PPEF2: variants seen among roughly 807,000 people sequenced by gnomAD.
PPEF2 encodes protein phosphatase with EF-hand domain 2, also known as serine/threonine-protein phosphatase with EF-hands 2.
Under a neutral mutation model 84.7 loss-of-function variants are expected in PPEF2, and 84 were observed. The ratio of observed to expected loss-of-function variants is 0.99; its 90% CI spans 0.83 to 1.19. PPEF2 has a LOEUF of 1.19. Ranked by LOEUF, PPEF2 falls within the 50% of genes most tolerant of loss-of-function variation. PPEF2 has a pLI of 0.00. For synonymous variants in PPEF2, 346 were observed against 345.2 expected (o/e 1.00, Z -0.03); for missense variants, 924 against 937.5 (o/e 0.99, Z 0.19).
chr4:75,859,990 TTACAA>T lies in PPEF2; in HGVS notation c.*672_*676del, dbSNP rs1723951934. 5.9e-5 allele frequency: 9 copies of T among 152,302 alleles called. No homozygotes were observed. Among genetic ancestry groups the T allele is most frequent in the Admixed American group, 5.9e-4 (9 of 15,298 alleles). The allele number at this position is 152,302 out of a possible 1,614,324, so 9.4% of individuals were successfully genotyped here. A position where few individuals can be genotyped will look rare whatever the true frequency, so the allele number is the denominator to read the frequency against. On this transcript the variant is annotated 3_prime_UTR_variant, in exon 17 of 17. Transcript: ENST00000286719. The stretch of plus-strand genomic sequence containing the variant: ...AAATCCATATGCTTGGGTCATGGAA[TTACAA>T]TACAATTTTTAAAAATAACTTTCCT...
chr4:75,865,505 G>A (rs1724105391), intron 15 of PPEF2, among the ~76,000 whole-genome samples: 1 of 151,742 alleles, frequency 6.6e-6, no homozygotes, highest in Non-Finnish European at 1.5e-5. Flanking sequence ...CTCCCACCTC[G>A]CCTCCCAATA....
chr4:75,883,489 G>T, intron 8 of PPEF2: 1 of 383,336 alleles, frequency 2.6e-6, no homozygotes, highest in East Asian at 4.6e-5. Flanking sequence ...CAAATTCAAT[G>T]GTTTCATTGG....
chr4:75,893,953 G>A (rs1258095470), intron 2 of PPEF2, among the ~76,000 whole-genome samples: 1 of 152,124 alleles, frequency 6.6e-6, no homozygotes, highest in Non-Finnish European at 1.5e-5. Context: ...GGAAGTGCAG[G>A]ATCTTTTAAT....
rs1260280281 is a variant in PPEF2 at position 75,891,973 on chromosome 4, T to G, written c.61A>C (p.Lys21Gln). ...CATCTCTGGATCAGGGCTGCTGCCT[T>G]GAAGGCTATGACACCGATGGAGAAG... is the stretch of plus-strand genomic sequence containing the variant. ...FAFQNAERAF[K>Q]AAALIQRWYR... Residue 21 changes from lysine (K) to glutamine (Q), a missense_variant, in exon 3 of 17, where the codon AAG becomes CAG. Physicochemically the swap from Lys to Gln is moderately conservative, Grantham distance 53. Coordinates refer to ENST00000286719, the MANE Select transcript of PPEF2 (RefSeq NM_006239.3). 1.2e-6 allele frequency: 2 copies of G among 1,613,158 alleles called. No homozygotes were observed. Among genetic ancestry groups the G allele is most frequent in the African/African-American group, 1.3e-5 (1 of 75,030 alleles).
chr4:75,889,887 T>C, intron 5 of PPEF2, 70 bp downstream of exon 5: 1 of 1,527,938 alleles, frequency 6.5e-7, no homozygotes, highest in South Asian at 1.1e-5. Flanking sequence ...ATTCTTTCTG[T>C]GCTGGGTTTC....
chr4:75,893,487 G>GACACACACACAC (rs10624574), intron 2 of PPEF2, among the ~76,000 whole-genome samples: 19 of 148,934 alleles, frequency 1.3e-4, no homozygotes, highest in African/African-American at 4.3e-4. Context: ...TAGAGACTCT[G>GACACACACACAC]ACACACACAC....
At chr4:75,868,567 G>A (rs1724191171) in intron 13 of PPEF2, among the ~76,000 whole-genome samples, 1 of 151,008 alleles carries the variant, frequency 6.6e-6, no homozygotes, top group Non-Finnish European at 1.5e-5. Flanking sequence ...ATGGTGGCAC[G>A]TGCCTATGGT....
chr4:75,875,093 A>T (rs1724375886), intron 11 of PPEF2, among the ~76,000 whole-genome samples: 1 of 151,294 alleles, frequency 6.6e-6, no homozygotes, highest in Middle Eastern at 3.2e-3. Flanking sequence ...TTTAGTAGAG[A>T]CGGGGTTTCA....
intron 15 of PPEF2, 78 bp from the exon 16 acceptor site, chr4:75,864,605 C>T (rs1463117054): frequency 3.6e-6 from 4 of 1,112,710 alleles, no homozygotes; most frequent in Non-Finnish European, 5.4e-6. Flanking sequence ...ACAATCAACC[C>T]TGACAATCAC....
At chr4:75,893,674 A>G (rs897272528) in intron 2 of PPEF2, among the ~76,000 whole-genome samples, 5 of 152,238 alleles carry the variant, frequency 3.3e-5, no homozygotes, top group Non-Finnish European at 5.9e-5. Flanking sequence ...AACAAGCTCC[A>G]TACATAATTC....
chr4:75,883,800 C>G (rs1159316240), intron 8 of PPEF2, among the ~76,000 whole-genome samples: 3 of 126,790 alleles, frequency 2.4e-5, no homozygotes, highest in African/African-American at 1.0e-4. Context: ...CCTGGGTGAC[C>G]AAGCGAGACT....
At position 75,860,436 on chromosome 4, in the gene PPEF2, G is replaced by A. The variant is rs1020870482; in HGVS notation, c.*231C>T. ...TAGAATTTGAAAACACTATACCTAAGTTCTACTTTGTGAAGATTGTGAGGT... is the reference window on the plus strand; with the variant it reads ...TAGAATTTGAAAACACTATACCTAAATTCTACTTTGTGAAGATTGTGAGGT... On this transcript the variant is annotated 3_prime_UTR_variant, in exon 17 of 17. Coordinates refer to ENST00000286719, the MANE Select transcript of PPEF2 (RefSeq NM_006239.3). 1 of 565,752 alleles carries A rather than the reference G, an allele frequency of 1.8e-6. No homozygotes were observed. The highest frequency in any genetic ancestry group is 3.1e-6 in the Non-Finnish European group (1 of 321,354). 35.0% of individuals were successfully genotyped at this position (565,752 alleles called of 1,614,324 possible). A position where few individuals can be genotyped will look rare whatever the true frequency, so the allele number is the denominator to read the frequency against.
At chr4:75,864,984 T>C (rs779455253) in intron 15 of PPEF2, among the ~76,000 whole-genome samples, 5 of 152,234 alleles carry the variant, frequency 3.3e-5, no homozygotes, top group Admixed American at 6.5e-5. Flanking sequence ...TTGTCCAGGC[T>C]GGAGTGCAAT....
rs756192218 is a variant in PPEF2, at chr4:75,888,224, G to A, written c.522C>T (p.Ile174=). The A allele has an allele frequency of 2.5e-5, 40 of 1,609,136 alleles. No individual in the cohort carries two copies. Among genetic ancestry groups the A allele is most frequent in the Non-Finnish European group, 3.1e-5 (37 of 1,175,636 alleles). ...NRVSTCYSEE[I]TVCGDLHGQL... is the part of the protein sequence containing the mutation. The stretch of plus-strand genomic sequence containing the variant: ...CTGACCAGCTCTTACCACACACTGT[G>A]ATCTCCTCACTGTAACAGGTTGAGA... The change falls in exon 6 of 17, where the codon ATC becomes ATT. Residue 174 remains isoleucine, a synonymous_variant. Transcript: ENST00000286719.
At chr4:75,887,943 G>A (rs561044196) in intron 6 of PPEF2, among the ~76,000 whole-genome samples, 1 of 152,268 alleles carries the variant, frequency 6.6e-6, no homozygotes, top group African/African-American at 2.4e-5. Flanking sequence ...CAGAGATTTT[G>A]TTTTGAATGA....
intron 6 of PPEF2, 100 bp downstream of exon 6, chr4:75,888,114 T>C: frequency 1.1e-6 from 1 of 914,202 alleles, no homozygotes; most frequent in South Asian, 1.4e-5. Context: ...TGGCTTATCA[T>C]CACATCTCCC....
intron 13 of PPEF2, among the ~76,000 whole-genome samples, chr4:75,869,787 C>T (rs1327671219): frequency 6.6e-5 from 10 of 151,930 alleles, no homozygotes; most frequent in Non-Finnish European, 1.0e-4. Flanking sequence ...GTCGAGGCTG[C>T]AGTGATCTGT....
chr4:75,883,067 C>A lies in PPEF2; in HGVS notation c.792G>T (p.Gly264=). The change falls in exon 10 of 17, where the codon GGG becomes GGT. Residue 264 remains glycine, a synonymous_variant. Transcript: ENST00000286719. ...KEVMNKYKVH[G]KEILRTLQDV... Reference sequence around the variant, plus strand: ...CTTGCAGGGTTCTTAGTATTTCCTTCCCGTGTACCTGGAAAAAATGATATA... The same window carrying A: ...CTTGCAGGGTTCTTAGTATTTCCTTACCGTGTACCTGGAAAAAATGATATA... 5.0e-6 allele frequency: 8 copies of A among 1,613,938 alleles called. No individual in the cohort carries two copies. Among genetic ancestry groups the A allele is most frequent in the Non-Finnish European group, 6.8e-6 (8 of 1,179,884 alleles).
intron 11 of PPEF2, among the ~76,000 whole-genome samples, chr4:75,874,095 G>A (rs942288709): frequency 8.2e-5 from 12 of 146,446 alleles, no homozygotes; most frequent in Admixed American, 2.2e-4. Context: ...GTGACAGAGC[G>A]AGACTCCACC....
Sources: gnomAD v4.1 joint callset for allele counts (sites outside exome capture counted in the v4.1 genomes callset) on GRCh38, gnomAD v4.1.1 for gene constraint, MANE v1.5 for transcripts, NCBI Gene and HGNC (gene_info 2026-07-23, HGNC 2026-07-21) for gene names.